The following IQCM variants were observed in gnomAD, a reference collection of about 807,000 sequenced individuals.
The protein encoded by IQCM is IQ domain-containing protein M.
In IQCM, 45 loss-of-function variants were observed where a neutral mutation model predicts 57.6. That is an observed-to-expected ratio of 0.78 (90% CI 0.62 to 1.00). IQCM has a LOEUF of 1.00. Among genes scored for constraint, IQCM ranks in the 50% least tolerant of loss-of-function variants. The probability of loss-of-function intolerance (pLI) is 0.00; values close to 1 mark genes in which losing one functional copy is unlikely to be tolerated. For missense variants in IQCM, 468 were observed against 511.6 expected (o/e 0.91, Z 0.82); for synonymous variants, 148 against 158.9 (o/e 0.93, Z 0.51).
intron 8 of IQCM, among the ~76,000 whole-genome samples, chr4:149,595,233 C>T: frequency 6.6e-6 from 1 of 152,006 alleles, no homozygotes; most frequent in East Asian, 1.9e-4. Context: ...CTCTTTTGAT[C>T]TTTGTTGGTT....
intron 7 of IQCM, among the ~76,000 whole-genome samples, chr4:149,673,082 T>A (rs541595383): frequency 6.6e-6 from 1 of 152,172 alleles, no homozygotes; most frequent in Admixed American, 6.5e-5. Context: ...GGCTGAGAGA[T>A]TTTGTCACCA....
At chr4:149,612,643 T>C (rs903896911) in intron 8 of IQCM, among the ~76,000 whole-genome samples, 2 of 152,228 alleles carry the variant, frequency 1.3e-5, no homozygotes, top group African/African-American at 4.8e-5. Context: ...GTTTTTTTGG[T>C]AACTATGTAA....
At chr4:149,671,391 GCTGT>G (rs1487961375) in intron 7 of IQCM, among the ~76,000 whole-genome samples, 1 of 152,046 alleles carries the variant, frequency 6.6e-6, no homozygotes, top group Non-Finnish European at 1.5e-5. Context: ...AGTCTTGCTA[GCTGT>G]CTATCAATTG....
At chr4:149,589,930 C>T (rs1225574958) in intron 8 of IQCM, among the ~76,000 whole-genome samples, 1 of 151,972 alleles carries the variant, frequency 6.6e-6, no homozygotes, top group Non-Finnish European at 1.5e-5. Context: ...ATATTTCATA[C>T]TTTTACACAA....
intron 5 of IQCM, chr4:149,691,656 G>T (rs1163765148): frequency 1.3e-5 from 2 of 152,060 alleles, no homozygotes; most frequent in Non-Finnish European, 2.9e-5. Flanking sequence ...AATTTTTGTT[G>T]TTGTTTTATT....
chr4:149,776,943 C>T (rs1445243170), intron 2 of IQCM, among the ~76,000 whole-genome samples: 5 of 152,058 alleles, frequency 3.3e-5, no homozygotes, highest in East Asian at 1.9e-4. Flanking sequence ...TAATTTCTGT[C>T]GATAAGGTCC....
chr4:149,772,800 A>G (rs1209767619), intron 2 of IQCM, among the ~76,000 whole-genome samples: 2 of 152,232 alleles, frequency 1.3e-5, no homozygotes, highest in Non-Finnish European at 2.9e-5. Flanking sequence ...ACTTAAACTA[A>G]CAACTAGATA....
At chr4:149,482,592 A>G (rs1464554761) in intron 12 of IQCM, among the ~76,000 whole-genome samples, 1 of 151,892 alleles carries the variant, frequency 6.6e-6, no homozygotes, top group Non-Finnish European at 1.5e-5. Context: ...GTTGATTTGC[A>G]TATGTTGAAC....
chr4:149,704,230 T>C (rs1057313296), intron 5 of IQCM, among the ~76,000 whole-genome samples: 3 of 151,842 alleles, frequency 2.0e-5, no homozygotes, highest in East Asian at 1.9e-4. Flanking sequence ...TCAGAAGATA[T>C]AGAAAAAATA....
intron 5 of IQCM, among the ~76,000 whole-genome samples, chr4:149,725,746 C>A (rs1276085192): frequency 2.6e-5 from 4 of 152,186 alleles, no homozygotes; most frequent in Admixed American, 1.3e-4. Context: ...CAGAACTAGT[C>A]TTCTCACTCT....
In IQCM at chr4:149,367,534, A is replaced by G. The variant is rs28488242; in HGVS notation, c.1391-15468T>C. 5.7e-3 allele frequency among the ~76,000 whole-genome samples: 865 copies of G among 152,110 alleles called. 9 individuals carry two copies. The highest frequency in any genetic ancestry group is 0.02 in the African/African-American group (826 of 41,546). ...TTCATTAAGTAGTACATAGTATTCT[A>G]TTATATGAATGGGCCATAATATTCC... is the stretch of plus-strand genomic sequence containing the variant. On this transcript the variant is annotated intron_variant, in intron 13 of 13. Coordinates refer to ENST00000636793, the MANE Select transcript of IQCM (RefSeq NM_001363507.2).
At chr4:149,357,949 C>T (rs1056421485) in intron 13 of IQCM, among the ~76,000 whole-genome samples, 3 of 152,156 alleles carry the variant, frequency 2.0e-5, no homozygotes, top group Non-Finnish European at 4.4e-5. Flanking sequence ...TTCAGAAATT[C>T]AACTTCTTCC....
chr4:149,642,822 T>A (rs1758311147), intron 7 of IQCM, among the ~76,000 whole-genome samples: 1 of 152,284 alleles, frequency 6.6e-6, no homozygotes, highest in African/African-American at 2.4e-5. Context: ...TTCATAAAAT[T>A]TGTATCACTC....
intron 12 of IQCM, among the ~76,000 whole-genome samples, chr4:149,467,123 T>A (rs1470272898): frequency 6.6e-6 from 1 of 152,194 alleles, no homozygotes; most frequent in Non-Finnish European, 1.5e-5. Flanking sequence ...AAATATTCTG[T>A]AACAGGCAAT....
At chr4:149,401,663 T>C (rs956023360) in intron 13 of IQCM, among the ~76,000 whole-genome samples, 3 of 151,828 alleles carry the variant, frequency 2.0e-5, no homozygotes, top group African/African-American at 7.2e-5. Context: ...GAAAGTATGA[T>C]TTAAAATGCA....
intron 5 of IQCM, among the ~76,000 whole-genome samples, chr4:149,709,406 A>T: frequency 6.6e-6 from 1 of 152,128 alleles, no homozygotes; most frequent in South Asian, 2.1e-4. Context: ...ACCCTGATAC[A>T]GGATCATCTG....
At chr4:149,678,703 C>A (rs1429776463) in intron 7 of IQCM, among the ~76,000 whole-genome samples, 2 of 151,272 alleles carry the variant, frequency 1.3e-5, no homozygotes, top group South Asian at 4.2e-4. Flanking sequence ...AAAGACAAAT[C>A]TAGCAACAAC....
chr4:149,475,971 GT>G (rs1553973301), intron 12 of IQCM, among the ~76,000 whole-genome samples: 1 of 152,132 alleles, frequency 6.6e-6, no homozygotes, highest in Non-Finnish European at 1.5e-5. Context: ...TTTCAAGAAA[GT>G]TTTGCTGCAA....
intron 7 of IQCM, among the ~76,000 whole-genome samples, chr4:149,623,972 A>G (rs750471930): frequency 1.4e-4 from 22 of 152,202 alleles, no homozygotes; most frequent in Non-Finnish European, 2.5e-4. Context: ...TTGTTAAATA[A>G]CTACTCATAC....
Sources: allele counts gnomAD v4.1 joint callset (sites outside exome capture counted in the v4.1 genomes callset), GRCh38; gene constraint gnomAD v4.1.1; transcripts MANE v1.5; gene names NCBI Gene and HGNC (gene_info 2026-07-23, HGNC 2026-07-21).